The following PDE10A variants were observed in gnomAD, a reference collection of about 807,000 sequenced individuals.
The protein encoded by PDE10A is phosphodiesterase 10A.
In PDE10A, 39 loss-of-function variants were observed where a neutral mutation model predicts 97.7. The ratio of observed to expected loss-of-function variants is 0.40; its 90% CI spans 0.31 to 0.52. The LOEUF is 0.52. Among genes scored for constraint, PDE10A ranks in the 20% least tolerant of loss-of-function variants. The pLI is 0.56. For synonymous variants in PDE10A, 371 were observed against 376.8 expected (o/e 0.98, Z 0.18); for missense variants, 731 against 1,047.8 (o/e 0.70, Z 4.17).
At chr6:165,434,665 C>T (rs952402594) in intron 6 of PDE10A, among the ~76,000 whole-genome samples, 6 of 152,176 alleles carry the variant, frequency 3.9e-5, no homozygotes, top group Non-Finnish European at 8.8e-5. Flanking sequence ...CTCTCAGACT[C>T]CTGTTACCTC....
At chr6:165,822,898 G>A (rs560705460) in intron 1 of PDE10A, among the ~76,000 whole-genome samples, 4 of 151,956 alleles carry the variant, frequency 2.6e-5, no homozygotes, top group Admixed American at 6.5e-5. Flanking sequence ...GCAGTGGCGC[G>A]ATCTCAGCTC....
intron 1 of PDE10A, among the ~76,000 whole-genome samples, chr6:165,838,428 C>T (rs1283553419): frequency 2.0e-5 from 3 of 152,152 alleles, no homozygotes; most frequent in Non-Finnish European, 2.9e-5. Context: ...TTACAAGCCA[C>T]AAAATTTACC....
chr6:165,601,654 C>T (rs1016392933), intron 1 of PDE10A, among the ~76,000 whole-genome samples: 2 of 152,156 alleles, frequency 1.3e-5, no homozygotes, highest in Admixed American at 1.3e-4. Context: ...AACTTGCTAA[C>T]AGGTAACTAC....
At chr6:165,786,721 A>G (rs990048312) in intron 1 of PDE10A, among the ~76,000 whole-genome samples, 7 of 152,272 alleles carry the variant, frequency 4.6e-5, no homozygotes, top group African/African-American at 1.7e-4. Context: ...AAAAAAAGAG[A>G]TGGAGGAACT....
At chr6:165,616,657 G>T (rs1430935264) in intron 1 of PDE10A, among the ~76,000 whole-genome samples, 1 of 152,146 alleles carries the variant, frequency 6.6e-6, no homozygotes, top group Non-Finnish European at 1.5e-5. Flanking sequence ...GAGTTTCAAA[G>T]ACTAGCTTCT....
intron 1 of PDE10A, among the ~76,000 whole-genome samples, chr6:165,595,174 G>A (rs943469477): frequency 1.3e-5 from 2 of 152,242 alleles, no homozygotes; most frequent in Admixed American, 1.3e-4. Context: ...CCAGCTGCAG[G>A]GGCCAGCCCT....
At chr6:165,758,527 A>G (rs112372946) in intron 1 of PDE10A, among the ~76,000 whole-genome samples, 42,159 of 139,388 alleles carry the variant, frequency 0.3, 7,103 homozygotes, top group Admixed American at 0.42. Context: ...AAGAAGAAGA[A>G]GAAGAGGAAG....
At chr6:165,826,978 G>A (rs1266018902) in intron 1 of PDE10A, among the ~76,000 whole-genome samples, 2 of 152,080 alleles carry the variant, frequency 1.3e-5, no homozygotes, top group East Asian at 1.9e-4. Context: ...GACATCAGGA[G>A]GGGCACGGAG....
intron 1 of PDE10A, among the ~76,000 whole-genome samples, chr6:165,622,510 C>T (rs1045359746): frequency 2.6e-5 from 4 of 152,146 alleles, no homozygotes; most frequent in African/African-American, 7.2e-5. Context: ...TAACACAATG[C>T]TAAGGATTTG....
intron 1 of PDE10A, among the ~76,000 whole-genome samples, chr6:165,676,572 G>C (rs1483916964): frequency 6.6e-6 from 1 of 151,944 alleles, no homozygotes; most frequent in Non-Finnish European, 1.5e-5. Flanking sequence ...GGGGTTCCAG[G>C]AGGAGGGGAT....
intron 1 of PDE10A, among the ~76,000 whole-genome samples, chr6:165,596,290 C>T (rs1174921760): frequency 1.3e-5 from 2 of 152,232 alleles, no homozygotes; most frequent in Non-Finnish European, 2.9e-5. Flanking sequence ...CCACCACGGC[C>T]CCAGCCACCA....
chr6:165,717,579 G>A (rs977991047), intron 1 of PDE10A, among the ~76,000 whole-genome samples: 7 of 107,060 alleles, frequency 6.5e-5, no homozygotes, highest in South Asian at 3.0e-4. Flanking sequence ...GAGAGACTCC[G>A]TCTCAAAAAA....
chr6:165,356,773 T>TAAA (rs1360534748), intron 18 of PDE10A, among the ~76,000 whole-genome samples: 8 of 152,252 alleles, frequency 5.3e-5, no homozygotes, highest in Admixed American at 2.6e-4. Flanking sequence ...CCACATAGCC[T>TAAA]GTAAACTTGC....
At chr6:165,888,301 T>C (rs1269637243) in intron 1 of PDE10A, among the ~76,000 whole-genome samples, 5 of 152,090 alleles carry the variant, frequency 3.3e-5, no homozygotes, top group Non-Finnish European at 4.4e-5. Flanking sequence ...CTTTTCTTTT[T>C]TTTTTAATGG....
intron 1 of PDE10A, among the ~76,000 whole-genome samples, chr6:165,675,490 CTT>C (rs1028572271): frequency 6.6e-6 from 1 of 152,026 alleles, no homozygotes; most frequent in Admixed American, 6.5e-5. Flanking sequence ...TCATAGAAGA[CTT>C]GTGTTCTATA....
intron 1 of PDE10A, among the ~76,000 whole-genome samples, chr6:165,864,340 G>C: frequency 6.6e-6 from 1 of 152,126 alleles, no homozygotes; most frequent in Non-Finnish European, 1.5e-5. Context: ...AGAAGACAAG[G>C]TTCTAAAGGA....
intron 1 of PDE10A, among the ~76,000 whole-genome samples, chr6:165,688,093 C>A (rs1791171366): frequency 6.6e-6 from 1 of 152,238 alleles, no homozygotes; most frequent in Non-Finnish European, 1.5e-5. Context: ...AAACATGCCA[C>A]AGGTGCCACG....
intron 13 of PDE10A, among the ~76,000 whole-genome samples, chr6:165,408,329 G>A (rs759886307): frequency 2.2e-4 from 33 of 152,270 alleles, no homozygotes; most frequent in Middle Eastern, 3.4e-3. Flanking sequence ...TAGGGAACCC[G>A]CAGATGTGAT....
chr6:165,577,524 C>A (rs1785373408), intron 1 of PDE10A, among the ~76,000 whole-genome samples: 2 of 152,212 alleles, frequency 1.3e-5, no homozygotes. Flanking sequence ...CCCAAGGGCA[C>A]AGGCGACCCC....
Sources: gnomAD v4.1 joint callset for allele counts (sites outside exome capture counted in the v4.1 genomes callset) on GRCh38, gnomAD v4.1.1 for gene constraint, MANE v1.5 for transcripts, NCBI Gene and HGNC (gene_info 2026-07-23, HGNC 2026-07-21) for gene names.